H2BC18: variants seen among roughly 807,000 people sequenced by gnomAD.
H2BC18 encodes the protein H2B clustered histone 18.
In H2BC18, 8 loss-of-function variants were observed where a neutral mutation model predicts 6.3. The ratio of observed to expected loss-of-function variants is 1.28; its 90% CI spans 0.75 to 2.31. H2BC18 has a LOEUF of 2.31. H2BC18 is among the 30% of genes most tolerant of loss of function. H2BC18 has a pLI of 0.00. For synonymous variants in H2BC18, 104 were observed against 78.1 expected, an observed-to-expected ratio of 1.33 and a Z score of -1.75; for missense variants, 106 against 174.5, an observed-to-expected ratio of 0.61 and a Z score of 2.21.
At chr1:149,800,970 C>T (rs654386) in intron 1 of H2BC18, among the ~76,000 whole-genome samples, 3 of 152,124 alleles carry the variant, frequency 2.0e-5, no homozygotes, top group Admixed American at 1.3e-4. Context: ...CCTGTGGTCC[C>T]AACTACTAGG....
At chr1:149,793,554 G>A (rs1319551810) in intron 1 of H2BC18, among the ~76,000 whole-genome samples, 1 of 152,016 alleles carries the variant, frequency 6.6e-6, no homozygotes, top group Admixed American at 6.5e-5. Flanking sequence ...CGGACTTAGA[G>A]GGGTGGTGGG....
At chr1:149,800,989 G>A (rs1257802298) in intron 1 of H2BC18, among the ~76,000 whole-genome samples, 6 of 152,214 alleles carry the variant, frequency 3.9e-5, no homozygotes, top group African/African-American at 1.4e-4. Context: ...GGGAGGCTGA[G>A]GTGGGAGGAG....
At chr1:149,786,800 T>C (rs2091564287) in intron 1 of H2BC18, 5 of 152,378 alleles carry the variant, frequency 3.3e-5, no homozygotes, top group Middle Eastern at 3.4e-3. Context: ...AGATGTTTTT[T>C]GGAGGGTAGT....
At chr1:149,806,207 C>T (rs376026969) in intron 1 of H2BC18, among the ~76,000 whole-genome samples, 1 of 151,720 alleles carries the variant, frequency 6.6e-6, no homozygotes, top group East Asian at 1.9e-4. Context: ...TTAGAGTATA[C>T]AAGGAAAGAT....
In H2BC18 at chr1:149,792,301, G is replaced by A. The variant is rs1553752044; in HGVS notation, c.378-9041C>T. ...GACGCTTCAAGTGGGGAGAAGCGGC[G>A]ATACCATAGAGTCCAGATCTTGCCT... On this transcript the variant is annotated intron_variant, in intron 1 of 1. Transcript: ENST00000545683. The A allele has an allele frequency of 2.0e-5, 5 of 246,680 alleles. 1 individual carries two copies. In the East Asian group the frequency reaches 5.0e-4, roughly 25 times the overall value. 15.3% of individuals were successfully genotyped at this position (246,680 alleles called of 1,614,324 possible). A position where few individuals can be genotyped will look rare whatever the true frequency, so the allele number is the denominator to read the frequency against.
chr1:149,801,278 C>T (rs684012), intron 1 of H2BC18, among the ~76,000 whole-genome samples: 5 of 150,748 alleles, frequency 3.3e-5, no homozygotes, highest in African/African-American at 7.3e-5. Context: ...TCACTGTTAC[C>T]CCATCTGCCA....
chr1:149,802,590 G>A (rs1571414721), intron 1 of H2BC18, among the ~76,000 whole-genome samples: 1 of 152,314 alleles, frequency 6.6e-6, no homozygotes, highest in East Asian at 1.9e-4. Flanking sequence ...GTTTATGAAG[G>A]AGAATTGGCT....
At chr1:149,804,643 T>C (rs1229126785) in intron 1 of H2BC18, among the ~76,000 whole-genome samples, 1 of 151,116 alleles carries the variant, frequency 6.6e-6, no homozygotes, top group African/African-American at 2.5e-5. Context: ...ATATTTACCA[T>C]GTTCCAGCCA....
chr1:149,803,481 C>A (rs1311293197), intron 1 of H2BC18: 1 of 152,110 alleles, frequency 6.6e-6, no homozygotes, highest in Non-Finnish European at 1.5e-5. Context: ...TCCAAGTGTT[C>A]CTTCTTCTGA....
chr1:149,793,053 G>C, intron 1 of H2BC18: 1 of 1,261,888 alleles, frequency 7.9e-7, no homozygotes, highest in Non-Finnish European at 1.0e-6. Context: ...CCCCGGCGCG[G>C]CGCCACCTGG....
intron 1 of H2BC18, among the ~76,000 whole-genome samples, chr1:149,806,589 C>T (rs1300509396): frequency 6.0e-5 from 9 of 149,284 alleles, no homozygotes; most frequent in South Asian, 2.1e-4. Flanking sequence ...CGCGAGACTC[C>T]GTCTCAAAAA....
intron 1 of H2BC18, chr1:149,792,997 G>C (rs2091750029): frequency 4.7e-6 from 6 of 1,274,148 alleles, no homozygotes; most frequent in Non-Finnish European, 4.1e-6. Context: ...CCCCAGGCGC[G>C]TAGCTGAGTC....
chr1:149,798,505 A>T (rs2101461867), intron 1 of H2BC18, among the ~76,000 whole-genome samples: 1 of 151,976 alleles, frequency 6.6e-6, no homozygotes, highest in Non-Finnish European at 1.5e-5. Context: ...ACATATGTGT[A>T]TGTATCCTTG....
chr1:149,810,604 ATCCACTGGCTTTTGTCAGGATGAG>A (rs1303624203), downstream of H2BC18: 1 of 151,984 alleles, frequency 6.6e-6, no homozygotes, highest in African/African-American at 2.4e-5. Context: ...CAAAAGAAAC[ATCCACTGGCTTTTGTCAGGATGAG>A]TCTTGAGTTA....
downstream of H2BC18, among the ~76,000 whole-genome samples, chr1:149,810,092 TAAC>T (rs1321675983): frequency 6.6e-6 from 1 of 151,666 alleles, no homozygotes; most frequent in Non-Finnish European, 1.5e-5. Flanking sequence ...GACAATGCTT[TAAC>T]AACTTCAAAA....
intron 1 of H2BC18, chr1:149,791,478 G>A: frequency 6.2e-7 from 1 of 1,609,442 alleles, no homozygotes; most frequent in Non-Finnish European, 8.5e-7. Context: ...AACAGCTGCA[G>A]GAAGGGGTGC....
rs587637797 is a variant in H2BC18, at chr1:149,806,566, C to T, written c.377+5381G>A. ...TTGCACCACTGCACTCCAGCCTGGACAACAGAGCGAGACGCGAGACTCCGT... is the reference window on the plus strand; with the variant it reads ...TTGCACCACTGCACTCCAGCCTGGATAACAGAGCGAGACGCGAGACTCCGT... On this transcript the variant is annotated intron_variant, in intron 1 of 1. Transcript: ENST00000545683. 3.3e-5 allele frequency among the ~76,000 whole-genome samples: 5 copies of T among 149,892 alleles called. No homozygotes were observed. The East Asian group carries it at 5.9e-4, about 18-fold the overall frequency.
downstream of H2BC18, among the ~76,000 whole-genome samples, chr1:149,807,182 A>G (rs1553753949): frequency 1.3e-5 from 2 of 152,168 alleles, no homozygotes; most frequent in Non-Finnish European, 2.9e-5. Context: ...CGTTTGGAAA[A>G]TAAGAAAAAG....
chr1:149,810,978 T>C (rs2091966311), downstream of H2BC18: 1 of 152,226 alleles, frequency 6.6e-6, no homozygotes, highest in Admixed American at 6.5e-5. Context: ...GACAGGGTTC[T>C]TGTCCTGGAG....
Sources: allele counts gnomAD v4.1 joint callset (sites outside exome capture counted in the v4.1 genomes callset), GRCh38; gene constraint gnomAD v4.1.1; transcripts MANE v1.5; gene names NCBI Gene and HGNC (gene_info 2026-07-23, HGNC 2026-07-21).